SOX6: variants seen among roughly 807,000 people sequenced by gnomAD.
SOX6 encodes the protein SRY-box transcription factor 6.
A neutral mutation model predicts 97.8 loss-of-function variants in SOX6; 11 were observed. The ratio of observed to expected loss-of-function variants is 0.11; its 90% CI spans 0.07 to 0.19. The LOEUF is 0.19. SOX6 is among the 10% of genes least tolerant of loss of function. The pLI, the probability that SOX6 is intolerant of heterozygous loss-of-function variation, is 1.00. For missense variants in SOX6, 810 were observed against 1,039.5 expected, an observed-to-expected ratio of 0.78 and a Z score of 3.04; for synonymous variants, 360 against 371.4, an observed-to-expected ratio of 0.97 and a Z score of 0.35.
rs139441214 is a variant in SOX6, at chr11:16,281,027, T to C, written c.445+37419A>G. On this transcript the variant is annotated intron_variant, in intron 3 of 15. Transcript: ENST00000683767. ...AAATCATCCCTACAGTCTGAAAGAG[T>C]CAGCCCTCAACAAAGTAGGACAGTA... Among the ~76,000 whole-genome samples the C allele has an allele frequency of 3.4e-3, 513 of 152,044 alleles. 3 individuals carry two copies. Among genetic ancestry groups the C allele is most frequent in the African/African-American group, 0.012 (489 of 41,486 alleles).
chr11:16,483,552 G>C (rs1343348167), intron 4 of SOX6, among the ~76,000 whole-genome samples: 1 of 152,114 alleles, frequency 6.6e-6, no homozygotes, highest in Non-Finnish European at 1.5e-5. Context: ...AACTGGAAGA[G>C]ACCTCTATTC....
intron 6 of SOX6, among the ~76,000 whole-genome samples, chr11:16,150,670 T>C (rs1261761849): frequency 6.6e-6 from 1 of 152,184 alleles, no homozygotes; most frequent in Non-Finnish European, 1.5e-5. Context: ...AACATCACCA[T>C]TCCTCATTCA....
At chr11:16,457,040 A>G (rs1258258211) in intron 1 of SOX6, among the ~76,000 whole-genome samples, 1 of 152,172 alleles carries the variant, frequency 6.6e-6, no homozygotes, top group East Asian at 1.9e-4. Flanking sequence ...GAATGAATAA[A>G]TGAATACAAA....
At chr11:16,348,470 G>A (rs1856826587) in intron 1 of SOX6, among the ~76,000 whole-genome samples, 1 of 152,052 alleles carries the variant, frequency 6.6e-6, no homozygotes, top group Non-Finnish European at 1.5e-5. Flanking sequence ...CAAAAAAGGA[G>A]TGCATTTTAA....
chr11:16,375,040 C>G (rs1857607327), intron 1 of SOX6, among the ~76,000 whole-genome samples: 2 of 151,908 alleles, frequency 1.3e-5, no homozygotes, highest in Admixed American at 1.3e-4. Context: ...AAGAATGGAA[C>G]TTCAAAATGA....
At chr11:15,990,723 GA>G (rs1854024395) in intron 13 of SOX6, among the ~76,000 whole-genome samples, 2 of 152,180 alleles carry the variant, frequency 1.3e-5, no homozygotes, top group Admixed American at 1.3e-4. Context: ...TGGTCAGACT[GA>G]TAGCCTCAGA....
chr11:16,443,938 G>A (rs1156990311), intron 1 of SOX6, among the ~76,000 whole-genome samples: 7 of 151,278 alleles, frequency 4.6e-5, no homozygotes, highest in Non-Finnish European at 7.4e-5. Flanking sequence ...GCTTGAACCC[G>A]GGAGGTGGAG....
chr11:16,519,423 C>T (rs974341296), intron 4 of SOX6, among the ~76,000 whole-genome samples: 39 of 152,078 alleles, frequency 2.6e-4, no homozygotes, highest in African/African-American at 9.2e-4. Context: ...TCATTTTGAT[C>T]CTGATTATAC....
chr11:16,482,613 C>T (rs1282628456), intron 4 of SOX6, among the ~76,000 whole-genome samples: 1 of 152,056 alleles, frequency 6.6e-6, no homozygotes, highest in African/African-American at 2.4e-5. Context: ...AATATGTCTG[C>T]CAAGTTTTTA....
intron 1 of SOX6, among the ~76,000 whole-genome samples, chr11:16,434,784 C>T (rs1303951250): frequency 4.6e-5 from 7 of 152,062 alleles, no homozygotes; most frequent in Non-Finnish European, 8.8e-5. Context: ...ATAAACTAAA[C>T]ATTAAAAATA....
At chr11:16,176,135 G>T (rs989040183) in intron 6 of SOX6, among the ~76,000 whole-genome samples, 6 of 151,650 alleles carry the variant, frequency 4.0e-5, no homozygotes, top group Non-Finnish European at 7.4e-5. Flanking sequence ...GAGAGAGAGA[G>T]ATTCAACCTA....
intron 3 of SOX6, among the ~76,000 whole-genome samples, chr11:16,302,801 C>G (rs1164337462): frequency 6.6e-6 from 1 of 151,974 alleles, no homozygotes; most frequent in East Asian, 1.9e-4. Flanking sequence ...TACTCCTGAA[C>G]TCAAGTGATC....
intron 4 of SOX6, among the ~76,000 whole-genome samples, chr11:16,599,769 G>C (rs1040960941): frequency 1.3e-5 from 2 of 152,080 alleles, no homozygotes; most frequent in Non-Finnish European, 1.5e-5. Context: ...GTTTATAATA[G>C]ATTACAACAT....
chr11:15,991,988 C>A (rs1296625737), intron 13 of SOX6, among the ~76,000 whole-genome samples: 4 of 152,182 alleles, frequency 2.6e-5, no homozygotes, highest in Non-Finnish European at 5.9e-5. Context: ...CTTTTCCTTT[C>A]CTCCTACATC....
At position 16,097,671 on chromosome 11, in the gene SOX6, G is replaced by C; in HGVS notation, c.916C>G (p.Gln306Glu). ...GCTGCCATTGTTGATGGAATGAACT[G>C]TACGGGGTAGTTATCACCTGTCGGA... ...TYKPGDNYPVQFIPSTMAAAA... is the reference protein window; with the variant it reads ...TYKPGDNYPVEFIPSTMAAAA... Residue 306 changes from glutamine to glutamate, a missense_variant, in exon 8 of 16, where the codon CAG (glutamine) becomes GAG (glutamate). Gln to Glu is a conservative substitution (Grantham distance 29). This residue lies in a region of SOX6 where 244 missense variants were observed against 261.0 expected (regional missense o/e 0.93). Transcript: ENST00000683767. 6.2e-7 allele frequency: 1 copy of C among 1,611,008 alleles called. No individual in the cohort carries two copies. The highest frequency in any genetic ancestry group is 8.5e-7 in the Non-Finnish European group (1 of 1,177,864).
chr11:16,206,457 G>A (rs1280710546), intron 4 of SOX6, among the ~76,000 whole-genome samples: 1 of 152,180 alleles, frequency 6.6e-6, no homozygotes, highest in African/African-American at 2.4e-5. Context: ...GACTGAGGAA[G>A]AAGTATGGTG....
chr11:16,571,892 AC>A (rs990644062), intron 4 of SOX6, among the ~76,000 whole-genome samples: 1 of 152,118 alleles, frequency 6.6e-6, no homozygotes, highest in Non-Finnish European at 1.5e-5. Context: ...ACCTCAAGTG[AC>A]CCACCCACTT....
At chr11:16,342,229 T>C (rs942538350) in intron 1 of SOX6, among the ~76,000 whole-genome samples, 1 of 151,990 alleles carries the variant, frequency 6.6e-6, no homozygotes, top group African/African-American at 2.4e-5. Context: ...ATCATTTTAT[T>C]AAGATGAATT....
chr11:16,478,226 C>T (rs1445391397), upstream of SOX6, among the ~76,000 whole-genome samples: 1 of 152,170 alleles, frequency 6.6e-6, no homozygotes, highest in African/African-American at 2.4e-5. Context: ...TAAAATACCA[C>T]ACCTTGTTTT....
Sources: gnomAD v4.1 joint callset for allele counts (sites outside exome capture counted in the v4.1 genomes callset) on GRCh38, gnomAD v4.1.1 for gene constraint, gnomAD v4.1.1 regional missense constraint, MANE v1.5 for transcripts, NCBI Gene and HGNC (gene_info 2026-07-23, HGNC 2026-07-21) for gene names.